Variants in PROS1 observed in about 807,000 individuals in gnomAD.
The protein encoded by PROS1 is vitamin K-dependent protein S.
In PROS1, 29 loss-of-function variants were observed where a neutral mutation model predicts 75.9. That is an observed-to-expected ratio of 0.38 (90% CI 0.28 to 0.52). The LOEUF (loss-of-function observed/expected upper bound fraction) is 0.52. PROS1 is among the 20% of genes least tolerant of loss of function. The pLI, the probability that PROS1 is intolerant of heterozygous loss-of-function variation, is 0.83. For synonymous variants in PROS1, 245 were observed against 280.6 expected (o/e 0.87, Z 1.27); for missense variants, 680 against 810.3 (o/e 0.84, Z 1.95).
chr3:93,902,137 A>G (rs1263925881), intron 6 of PROS1, among the ~76,000 whole-genome samples: 3 of 151,942 alleles, frequency 2.0e-5, no homozygotes, highest in Non-Finnish European at 4.4e-5. Flanking sequence ...ATTAAAAACA[A>G]AAAAGGAAAA....
In PROS1 at chr3:93,879,262, A is replaced by G. The variant is rs779137762; in HGVS notation, c.1545T>C (p.Arg515=). 3 of 1,614,062 alleles carry G rather than the reference A, an allele frequency of 1.9e-6. No homozygotes were observed. The highest frequency in any genetic ancestry group is 2.5e-6 in the Non-Finnish European group (3 of 1,179,930). ...GCATAACACCAGTGCCCGTGGATGG[A>G]CGAATATTCAAGGTCACATTTACAT... ...GWHVNVTLNI[R]PSTGTGVMLA... is the part of the protein sequence containing the mutation. Residue 515 remains arginine (R), a synonymous_variant, in exon 13 of 15, where the codon CGT becomes CGC. Transcript: ENST00000394236.
At chr3:93,950,236 T>G (rs1308796656) in intron 1 of PROS1, among the ~76,000 whole-genome samples, 1 of 152,188 alleles carries the variant, frequency 6.6e-6, no homozygotes, top group Non-Finnish European at 1.5e-5. Context: ...TGCCTGTCTC[T>G]GTAGACTCCA....
intron 3 of PROS1, among the ~76,000 whole-genome samples, chr3:93,911,679 C>A (rs1708761451): frequency 2.0e-5 from 3 of 152,166 alleles, no homozygotes; most frequent in Non-Finnish European, 4.4e-5. Context: ...GATCATGCTT[C>A]AAAGTTCTCC....
chr3:93,880,036 T>A (rs1708252849), intron 12 of PROS1, among the ~76,000 whole-genome samples: 1 of 152,232 alleles, frequency 6.6e-6, no homozygotes, highest in African/African-American at 2.4e-5. Flanking sequence ...TAGTTCATAA[T>A]CTGAATGAAG....
chr3:93,958,095 T>A (rs1276248638), intron 1 of PROS1, among the ~76,000 whole-genome samples: 6 of 151,588 alleles, frequency 4.0e-5, no homozygotes, highest in Non-Finnish European at 7.4e-5. Context: ...CTCAAAAAAA[T>A]AATAATAATA....
At chr3:93,895,452 G>T (rs1192609479) in intron 9 of PROS1, among the ~76,000 whole-genome samples, 2 of 152,134 alleles carry the variant, frequency 1.3e-5, no homozygotes, top group Non-Finnish European at 2.9e-5. Flanking sequence ...TGTTACTTAA[G>T]TATTTATGTA....
At chr3:93,924,663 CTTTTTT>C (rs368011620) in intron 2 of PROS1, among the ~76,000 whole-genome samples, 1 of 136,664 alleles carries the variant, frequency 7.3e-6, no homozygotes. Context: ...AACGTACTCT[CTTTTTT>C]TTTTTTTTTT....
chr3:93,907,877 A>G (rs2107173979), intron 4 of PROS1, among the ~76,000 whole-genome samples: 1 of 152,348 alleles, frequency 6.6e-6, no homozygotes, highest in African/African-American at 2.4e-5. Context: ...TAAGAGAAAA[A>G]GAGGCTAGGT....
At chr3:93,917,448 G>A (rs558593006) in intron 3 of PROS1, among the ~76,000 whole-genome samples, 11 of 152,278 alleles carry the variant, frequency 7.2e-5, no homozygotes, top group Middle Eastern at 3.4e-3. Flanking sequence ...AGGTGACAGC[G>A]TGCTGGCAGC....
chr3:93,971,873 T>G (rs1709887172), intron 1 of PROS1, among the ~76,000 whole-genome samples: 1 of 152,184 alleles, frequency 6.6e-6, no homozygotes, highest in African/African-American at 2.4e-5. Flanking sequence ...TATATCCAAA[T>G]TTCCTCATAA....
At chr3:93,875,652 A>G (rs1304312121) in intron 14 of PROS1, among the ~76,000 whole-genome samples, 3 of 150,830 alleles carry the variant, frequency 2.0e-5, no homozygotes, top group East Asian at 3.9e-4. Context: ...CTATCTATCT[A>G]TCTATCTATC....
intron 1 of PROS1, among the ~76,000 whole-genome samples, chr3:93,943,255 C>T (rs1576207457): frequency 6.6e-6 from 1 of 152,036 alleles, no homozygotes; most frequent in East Asian, 1.9e-4. Flanking sequence ...AAAAGGAGGA[C>T]TCTGTCAAGG....
At chr3:93,957,998 GAA>G (rs2107255527) in intron 1 of PROS1, among the ~76,000 whole-genome samples, 1 of 152,114 alleles carries the variant, frequency 6.6e-6, no homozygotes, top group East Asian at 1.9e-4. Flanking sequence ...TGAGGCAGGA[GAA>G]TCACTTGAAC....
At chr3:93,952,145 A>G (rs957981018) in intron 1 of PROS1, among the ~76,000 whole-genome samples, 1 of 152,126 alleles carries the variant, frequency 6.6e-6, no homozygotes, top group African/African-American at 2.4e-5. Context: ...AGACTTTAAC[A>G]CCCCACTGTC....
At chr3:93,895,972 A>G (rs1708496142) in intron 9 of PROS1, among the ~76,000 whole-genome samples, 2 of 152,174 alleles carry the variant, frequency 1.3e-5, no homozygotes, top group Non-Finnish European at 2.9e-5. Flanking sequence ...TCAAAAATAA[A>G]TAAATATAAT....
chr3:93,954,661 C>T lies in PROS1; in HGVS notation c.76+19013G>A, dbSNP rs1468390268. Among the ~76,000 whole-genome samples, 3 of 152,150 alleles carry T rather than the reference C, an allele frequency of 2.0e-5. No homozygotes were observed. The East Asian group carries it at 5.8e-4, about 29-fold the overall frequency. ...TAGGCAATAGCATTCAGGACATAGG[C>T]ATGGTCAAGGACTTCATGACTAAAG... On this transcript the variant is annotated intron_variant, in intron 1 of 14. Coordinates refer to ENST00000394236, the MANE Select transcript of PROS1 (RefSeq NM_000313.4).
At position 93,954,132 on chromosome 3, in the gene PROS1, C is replaced by T. The variant is rs545689063; in HGVS notation, c.76+19542G>A. Among the ~76,000 whole-genome samples the T allele has an allele frequency of 9.5e-4, 144 of 152,108 alleles. 1 individual carries two copies. The South Asian group carries it at 0.013, about 14-fold the overall frequency. On this transcript the variant is annotated intron_variant, in intron 1 of 14. Coordinates refer to ENST00000394236, the MANE Select transcript of PROS1 (RefSeq NM_000313.4). ...TCATGGGTAGGAAGAATCAATATCA[C>T]GAAAATGGCCATACTGCCCAAGGTA...
intron 9 of PROS1, among the ~76,000 whole-genome samples, chr3:93,893,600 A>G (rs1708462366): frequency 6.6e-6 from 1 of 152,052 alleles, no homozygotes; most frequent in Non-Finnish European, 1.5e-5. Context: ...TTACAATTTC[A>G]TCGTTGGTTT....
intron 1 of PROS1, among the ~76,000 whole-genome samples, chr3:93,939,797 T>C (rs554414035): frequency 1.3e-5 from 2 of 152,242 alleles, no homozygotes; most frequent in South Asian, 4.1e-4. Flanking sequence ...TTATTCTCAA[T>C]AAGCATTTTA....
Sources: gnomAD v4.1 joint callset for allele counts (sites outside exome capture counted in the v4.1 genomes callset) on GRCh38, gnomAD v4.1.1 for gene constraint, MANE v1.5 for transcripts, NCBI Gene and HGNC (gene_info 2026-07-23, HGNC 2026-07-21) for gene names.